CEP350: variants seen among roughly 807,000 people sequenced by gnomAD.
CEP350 encodes centrosome-associated protein 350.
A neutral mutation model predicts 331.8 loss-of-function variants in CEP350; 126 were observed. The ratio of observed to expected loss-of-function variants is 0.38; its 90% CI spans 0.33 to 0.44. CEP350 has a LOEUF of 0.44. Among genes scored for constraint, CEP350 ranks in the 20% least tolerant of loss-of-function variants. The pLI is 1.00. For missense variants in CEP350, 3,406 were observed against 3,634.6 expected (o/e 0.94, Z 1.62); for synonymous variants, 1,200 against 1,259.5 (o/e 0.95, Z 1.00).
chr1:180,097,330 T>C (rs1571997337), intron 36 of CEP350, among the ~76,000 whole-genome samples: 1 of 152,358 alleles, frequency 6.6e-6, no homozygotes, highest in Admixed American at 6.5e-5. Context: ...TCTGATTTTT[T>C]ACAGAAAAAA....
intron 14 of CEP350, among the ~76,000 whole-genome samples, chr1:180,029,220 C>G (rs1255427759): frequency 6.6e-6 from 1 of 152,122 alleles, no homozygotes; most frequent in Non-Finnish European, 1.5e-5. Context: ...AGGACATTTT[C>G]TTTTCATATG....
intron 1 of CEP350, among the ~76,000 whole-genome samples, chr1:179,959,497 A>G (rs540312170): frequency 1.2e-3 from 182 of 152,034 alleles, no homozygotes; most frequent in African/African-American, 4.2e-3. Flanking sequence ...TCTCATGCCT[A>G]TAATCCCAGC....
intron 14 of CEP350, among the ~76,000 whole-genome samples, chr1:180,030,915 A>G (rs1424248447): frequency 2.0e-5 from 3 of 152,120 alleles, no homozygotes; most frequent in Admixed American, 6.5e-5. Flanking sequence ...AGTTCTTACC[A>G]TAGACTTTTT....
Position 179,955,022 on chromosome 1 carries a change from T to G in CEP350, c.-134T>G. Reference sequence around the variant, plus strand: ...CGGTGCGAGGAGGGCACCCGGTGCGTCCCCGGAGCGGGGAGGCCAGGCCGG... The same window carrying G: ...CGGTGCGAGGAGGGCACCCGGTGCGGCCCCGGAGCGGGGAGGCCAGGCCGG... On this transcript the variant is annotated 5_prime_UTR_variant, in exon 1 of 38. Transcript: ENST00000367607. The G allele has an allele frequency of 7.5e-7, 1 of 1,328,066 alleles. No individual in the cohort carries two copies. The highest frequency in any genetic ancestry group is 9.6e-7 in the Non-Finnish European group (1 of 1,037,946). The allele number at this position is 1,328,066 out of a possible 1,614,324, so 82.3% of individuals were successfully genotyped here. A position where few individuals can be genotyped will look rare whatever the true frequency, so the allele number is the denominator to read the frequency against.
chr1:179,985,522 C>G (rs1369466330), intron 1 of CEP350, among the ~76,000 whole-genome samples: 1 of 152,124 alleles, frequency 6.6e-6, no homozygotes, highest in African/African-American at 2.4e-5. Flanking sequence ...TTAGTCCATT[C>G]TTACACTGCT....
chr1:180,095,489 AT>A, intron 34 of CEP350, 33 bp from the exon 35 acceptor site: 1 of 1,575,632 alleles, frequency 6.3e-7, no homozygotes. Context: ...AGGTCCCTAA[AT>A]GGTGCTCTGT....
intron 7 of CEP350, 144 bp from the exon 8 acceptor site, chr1:180,006,310 T>C (rs1316096940): frequency 1.0e-5 from 6 of 586,328 alleles, no homozygotes; most frequent in Admixed American, 6.0e-5. Context: ...GTTGGTATTA[T>C]GTGGGCCATA....
intron 22 of CEP350, among the ~76,000 whole-genome samples, chr1:180,050,194 G>A (rs967561529): frequency 2.0e-5 from 3 of 152,120 alleles, no homozygotes; most frequent in African/African-American, 7.2e-5. Context: ...AACACCTCAA[G>A]GTGTGATCTG....
intron 11 of CEP350, among the ~76,000 whole-genome samples, chr1:180,018,764 A>G (rs1196373926): frequency 6.6e-6 from 1 of 152,024 alleles, no homozygotes; most frequent in Admixed American, 6.5e-5. Flanking sequence ...GCTTTCTGTC[A>G]TCTGCAAGTT....
intron 21 of CEP350, among the ~76,000 whole-genome samples, chr1:180,047,776 A>AG (rs1657229156): frequency 6.6e-6 from 1 of 150,510 alleles, no homozygotes; most frequent in East Asian, 1.9e-4. Flanking sequence ...AAAAAAAAAA[A>AG]AAGAAAAGAA....
chr1:179,957,870 G>A (rs1300092443), intron 1 of CEP350, among the ~76,000 whole-genome samples: 2 of 152,174 alleles, frequency 1.3e-5, no homozygotes, highest in Non-Finnish European at 1.5e-5. Flanking sequence ...TGTTATACTA[G>A]TACTATAATT....
intron 1 of CEP350, among the ~76,000 whole-genome samples, chr1:179,963,694 C>T (rs1006886676): frequency 3.3e-5 from 5 of 152,000 alleles, no homozygotes; most frequent in African/African-American, 1.2e-4. Context: ...TACATTGATA[C>T]AGATGTCTGT....
chr1:180,083,836 G>C (rs1331744727), intron 30 of CEP350, among the ~76,000 whole-genome samples, 182 bp from the exon 31 acceptor site: 1 of 152,042 alleles, frequency 6.6e-6, no homozygotes, highest in South Asian at 2.1e-4. Flanking sequence ...GGCGGGCGGC[G>C]GGGAGGGTGG....
intron 27 of CEP350, among the ~76,000 whole-genome samples, chr1:180,065,901 A>G (rs1307488147): frequency 6.6e-6 from 1 of 152,074 alleles, no homozygotes. Flanking sequence ...ATTTCTTTCT[A>G]CTAATTTGGG....
intron 37 of CEP350, among the ~76,000 whole-genome samples, chr1:180,104,483 A>G (rs989485398): frequency 6.6e-6 from 1 of 152,138 alleles, no homozygotes; most frequent in South Asian, 2.1e-4. Flanking sequence ...TTTTGCATGT[A>G]ATAAACCCCA....
chr1:180,003,401 A>T (rs750661662), intron 7 of CEP350, 114 bp downstream of exon 7: 1 of 707,364 alleles, frequency 1.4e-6, no homozygotes, highest in Non-Finnish European at 2.3e-6. Flanking sequence ...CTCTAACTGC[A>T]TGGCATGCTG....
At position 180,078,580 on chromosome 1, in the gene CEP350, G is replaced by C. The variant is rs1456532968; in HGVS notation, c.5885G>C (p.Gly1962Ala). 4 of 1,613,464 alleles carry C rather than the reference G, an allele frequency of 2.5e-6. No individual in the cohort carries two copies. Among genetic ancestry groups the C allele is most frequent in the Middle Eastern group, 3.3e-4 (2 of 6,050 alleles). The change falls in exon 29 of 38, where the codon GGA becomes GCA. Residue 1962 changes from glycine to alanine, a missense_variant. This residue lies in a region of CEP350 where 1,415 missense variants were observed against 1,512.3 expected (regional missense o/e 0.94). Transcript: ENST00000367607. ...GAATATGTACCATCCGAGTCTATAG[G>C]ACAGGAGCAGCCAGGGAGTCCAGAT... The part of the protein sequence containing the change: ...AVEYVPSESI[G>A]QEQPGSPDHS...
At chr1:180,051,818 G>A (rs948363015) in intron 22 of CEP350, among the ~76,000 whole-genome samples, 10 of 152,126 alleles carry the variant, frequency 6.6e-5, no homozygotes, top group Non-Finnish European at 1.5e-4. Context: ...CAAAAGGAAC[G>A]GTACATAAAC....
intron 15 of CEP350, among the ~76,000 whole-genome samples, chr1:180,033,496 G>T (rs915137788): frequency 6.6e-6 from 1 of 152,092 alleles, no homozygotes; most frequent in African/African-American, 2.4e-5. Context: ...CTCATATATG[G>T]CTCCAATTTT....
Sources: gnomAD v4.1 joint callset for allele counts (sites outside exome capture counted in the v4.1 genomes callset) on GRCh38, gnomAD v4.1.1 for gene constraint, gnomAD v4.1.1 regional missense constraint, MANE v1.5 for transcripts, NCBI Gene and HGNC (gene_info 2026-07-23, HGNC 2026-07-21) for gene names.